Variants in MCM3 observed in about 807,000 individuals in gnomAD.
MCM3 encodes DNA replication licensing factor MCM3.
In MCM3, 59 loss-of-function variants were observed where a neutral mutation model predicts 91.3. The observed-to-expected ratio is 0.65, with a 90% CI of 0.52 to 0.80. MCM3 has a LOEUF of 0.80. Among genes scored for constraint, MCM3 ranks in the 30% least tolerant of loss-of-function variants. MCM3 has a pLI of 0.00. For missense variants in MCM3, 919 were observed against 1,035.4 expected, an observed-to-expected ratio of 0.89 and a Z score of 1.54; for synonymous variants, 383 against 379.6, an observed-to-expected ratio of 1.01 and a Z score of -0.10.
chr6:52,264,504 G>C lies in MCM3; in HGVS notation c.*84C>G. ...TGAATTCAACACTGTTAAGGGAGTAGAGGCAAAGACTTGGGTCAGGGAGAG... is the reference window on the plus strand; with the variant it reads ...TGAATTCAACACTGTTAAGGGAGTACAGGCAAAGACTTGGGTCAGGGAGAG... On this transcript the variant is annotated 3_prime_UTR_variant, in exon 17 of 17. Transcript: ENST00000596288. 7.0e-7 allele frequency: 1 copy of C among 1,435,170 alleles called. No homozygotes were observed. Among genetic ancestry groups the C allele is most frequent in the East Asian group, 2.3e-5 (1 of 43,896 alleles). The allele number at this position is 1,435,170 out of a possible 1,614,324, so 88.9% of individuals were successfully genotyped here.
chr6:52,268,699 A>G (rs1764841980), intron 13 of MCM3, among the ~76,000 whole-genome samples: 1 of 152,210 alleles, frequency 6.6e-6, no homozygotes, highest in Non-Finnish European at 1.5e-5. Context: ...ACATTTGAAG[A>G]GACTACCAAG....
Position 52,276,534 on chromosome 6 carries a change from G to A in MCM3, c.1166-58C>T, listed in dbSNP as rs1399363969. On this transcript the variant is annotated intron_variant, in intron 8 of 16. Transcript: ENST00000596288. Reference sequence around the variant, plus strand: ...AGTCTAGGTTATAGGGGCCAGAAGGGAAGGATTTCAATCTCCTTCCTAGGA... The same window carrying A: ...AGTCTAGGTTATAGGGGCCAGAAGGAAAGGATTTCAATCTCCTTCCTAGGA... 6 of 1,391,276 alleles carry A rather than the reference G, an allele frequency of 4.3e-6. No individual in the cohort carries two copies. The African/African-American group carries it at 5.7e-5, about 13-fold the overall frequency. The allele number at this position is 1,391,276 out of a possible 1,614,324, so 86.2% of individuals were successfully genotyped here. A position where few individuals can be genotyped will look rare whatever the true frequency, so the allele number is the denominator to read the frequency against.
chr6:52,279,735 G>C (rs1303077527), intron 4 of MCM3, 136 bp from the exon 5 acceptor site: 1 of 670,956 alleles, frequency 1.5e-6, no homozygotes, highest in Non-Finnish European at 2.5e-6. Context: ...ACCTTCTCTA[G>C]CTTTTTGTGT....
chr6:52,278,402 C>T (rs986514486), intron 6 of MCM3, among the ~76,000 whole-genome samples: 2 of 152,204 alleles, frequency 1.3e-5, no homozygotes, highest in Admixed American at 1.3e-4. Flanking sequence ...AGTTGGAGAA[C>T]TAAAACAAAG....
chr6:52,272,897 G>GTT (rs1372525980), intron 11 of MCM3, among the ~76,000 whole-genome samples: 1 of 152,194 alleles, frequency 6.6e-6, no homozygotes, highest in Non-Finnish European at 1.5e-5. Flanking sequence ...AGTCTCAAAT[G>GTT]TTTGCTATCT....
At chr6:52,271,339 C>T (rs182584479) in intron 12 of MCM3, among the ~76,000 whole-genome samples, 2 of 150,738 alleles carry the variant, frequency 1.3e-5, no homozygotes, top group Admixed American at 6.6e-5. Flanking sequence ...TACACTGCCC[C>T]TAAAAGATTT....
chr6:52,271,889 G>C (rs531704117), intron 12 of MCM3, among the ~76,000 whole-genome samples: 5 of 152,132 alleles, frequency 3.3e-5, no homozygotes, highest in African/African-American at 1.2e-4. Context: ...TCATTCCTTT[G>C]TAAGTACCAC....
intron 6 of MCM3, among the ~76,000 whole-genome samples, 159 bp downstream of exon 6, chr6:52,278,583 C>T (rs1669519819): frequency 6.6e-6 from 1 of 152,150 alleles, no homozygotes; most frequent in Non-Finnish European, 1.5e-5. Flanking sequence ...AAAGAACAAA[C>T]AGCAAAAACA....
chr6:52,268,000 G>T (rs748568967), intron 13 of MCM3, 32 bp from the exon 14 acceptor site: 3 of 1,613,808 alleles, frequency 1.9e-6, no homozygotes, highest in Non-Finnish European at 2.5e-6. Flanking sequence ...CTGGGCTAGA[G>T]GGGTCACTGA....
rs757939863 is a variant in MCM3, at chr6:52,266,616, G to A, written c.2153C>T (p.Pro718Leu). 3.1e-6 allele frequency: 5 copies of A among 1,613,840 alleles called. No individual in the cohort carries two copies. The highest frequency in any genetic ancestry group is 1.6e-4 in the Middle Eastern group (1 of 6,082). ...YDFSDTEEEMPQVHTPKTADS... is the reference protein window; with the variant it reads ...YDFSDTEEEMLQVHTPKTADS... Reference sequence around the variant, plus strand: ...CAGTAAGTGGGCTCACTCACCTTGAGGCATTTCCTCCTCTGTGTCACTGAA... The same window carrying A: ...CAGTAAGTGGGCTCACTCACCTTGAAGCATTTCCTCCTCTGTGTCACTGAA... Residue 718 changes from proline to leucine, a missense_variant, in exon 15 of 17, where the codon CCT (proline) becomes CTT (leucine). Pro to Leu is a moderately conservative substitution (Grantham distance 98). Coordinates refer to ENST00000596288, the MANE Select transcript of MCM3 (RefSeq NM_002388.6).
rs375246204 is a variant in MCM3, at chr6:52,276,300, C to G, written c.1342G>C (p.Val448Leu). ...IHARLNARCS[V>L]LAAANPVYGR... ...TAGACAGGGTTGGCAGCTGCCAAAA[C>G]ACTGCAGCGGGCATTCAGCCGAGCA... Residue 448 changes from valine (V) to leucine (L), a missense_variant, in exon 9 of 17, where the codon GTT becomes CTT. Transcript: ENST00000596288. 1.7e-5 allele frequency: 28 copies of G among 1,612,494 alleles called. No individual in the cohort carries two copies. The highest frequency in any genetic ancestry group is 2.3e-5 in the Non-Finnish European group (27 of 1,179,912).
At chr6:52,277,853 G>A (rs1765720125) in intron 6 of MCM3, among the ~76,000 whole-genome samples, 165 bp from the exon 7 acceptor site, 2 of 151,918 alleles carry the variant, frequency 1.3e-5, no homozygotes, top group Non-Finnish European at 2.9e-5. Context: ...CAGATCACGA[G>A]GTCAGGAGTT....
At chr6:52,266,793 A>G in intron 14 of MCM3, 97 bp from the exon 15 acceptor site, 2 of 901,284 alleles carry the variant, frequency 2.2e-6, no homozygotes. Flanking sequence ...AAAAGGAAAC[A>G]GAACCACTAA....
chr6:52,273,441 G>T, intron 10 of MCM3, 85 bp from the exon 11 acceptor site: 2 of 1,386,598 alleles, frequency 1.4e-6, no homozygotes, highest in Non-Finnish European at 2.0e-6. Context: ...AAGAAGGGGA[G>T]ACACCAAGAT....
chr6:52,266,828 G>A (rs1764678031), intron 14 of MCM3, 132 bp from the exon 15 acceptor site: 3 of 727,714 alleles, frequency 4.1e-6, no homozygotes, highest in Non-Finnish European at 7.2e-6. Flanking sequence ...CTAGGCTTAG[G>A]CCTTTGCAAA....
intron 12 of MCM3, among the ~76,000 whole-genome samples, chr6:52,269,777 C>T (rs1443753565): frequency 1.3e-5 from 2 of 152,120 alleles, no homozygotes; most frequent in African/African-American, 2.4e-5. Context: ...TCACAGGGGC[C>T]GATGAATACC....
chr6:52,276,575 C>T (rs1024351633), intron 8 of MCM3, 99 bp from the exon 9 acceptor site: 5 of 1,010,160 alleles, frequency 4.9e-6, no homozygotes, highest in African/African-American at 1.6e-5. Context: ...TCACTTTGCA[C>T]GTGAGAATGC....
chr6:52,283,138 GAAAA>G (rs59102970), intron 2 of MCM3, among the ~76,000 whole-genome samples, 152 bp downstream of exon 2: 51,368 of 136,188 alleles, frequency 0.38, 9,328 homozygotes, highest in South Asian at 0.49. Context: ...CCCACTTTTT[GAAAA>G]AAAAAAAAAA....
chr6:52,271,797 C>G lies in MCM3; in HGVS notation c.1827+504G>C, dbSNP rs190754120. On this transcript the variant is annotated intron_variant, in intron 12 of 16. Transcript: ENST00000596288. ...CCAAATATCATACTCTCTGGGAATC[C>G]TTCCTTGACATTCATACCCCTTCAG... is the stretch of plus-strand genomic sequence containing the variant. Among the ~76,000 whole-genome samples, 356 of 152,258 alleles carry G rather than the reference C, an allele frequency of 2.3e-3. 2 individuals are homozygous for G. The highest frequency in any genetic ancestry group is 7.2e-3 in the African/African-American group (299 of 41,548).
Sources: allele counts gnomAD v4.1 joint callset (sites outside exome capture counted in the v4.1 genomes callset), GRCh38; gene constraint gnomAD v4.1.1; transcripts MANE v1.5; gene names NCBI Gene and HGNC (gene_info 2026-07-23, HGNC 2026-07-21).